VWA5B1: variants seen among roughly 807,000 people sequenced by gnomAD.
VWA5B1 encodes von Willebrand factor A domain-containing protein 5B1.
A neutral mutation model predicts 118.2 loss-of-function variants in VWA5B1; 115 were observed. The observed-to-expected ratio is 0.97, with a 90% CI of 0.84 to 1.14. The LOEUF (loss-of-function observed/expected upper bound fraction) is 1.14, where lower values mean the gene tolerates loss of function less well. VWA5B1 is among the 50% of genes most tolerant of loss of function. The pLI, the probability that VWA5B1 is intolerant of heterozygous loss-of-function variation, is 0.00. For missense variants in VWA5B1, 1,596 were observed against 1,603.8 expected (o/e 1.00, Z 0.08); for synonymous variants, 682 against 658.4 (o/e 1.04, Z -0.55).
chr1:20,309,344 G>A (rs2088770094), intron 1 of VWA5B1, among the ~76,000 whole-genome samples: 1 of 152,232 alleles, frequency 6.6e-6, no homozygotes, highest in South Asian at 2.1e-4. Flanking sequence ...GAAAAACTCA[G>A]CTCCGTGGGG....
chr1:20,301,894 C>T (rs900192371), intron 1 of VWA5B1, among the ~76,000 whole-genome samples: 4 of 152,174 alleles, frequency 2.6e-5, no homozygotes, highest in African/African-American at 4.8e-5. Flanking sequence ...GAGGCTCCAA[C>T]GCAGGAATCT....
chr1:20,313,390 C>T (rs1195671580), intron 3 of VWA5B1, among the ~76,000 whole-genome samples: 4 of 152,172 alleles, frequency 2.6e-5, no homozygotes. Context: ...AAAAATTAAC[C>T]CCCTCTGTAA....
At chr1:20,321,349 G>A (rs1180903615) in intron 7 of VWA5B1, among the ~76,000 whole-genome samples, 1 of 152,298 alleles carries the variant, frequency 6.6e-6, no homozygotes, top group East Asian at 1.9e-4. Context: ...CACTCTGGGA[G>A]GCCGAGACAG....
intron 1 of VWA5B1, among the ~76,000 whole-genome samples, chr1:20,303,980 C>T (rs1462569736): frequency 6.6e-6 from 1 of 152,182 alleles, no homozygotes; most frequent in Non-Finnish European, 1.5e-5. Context: ...TTTTGGACCT[C>T]CATCTGAACC....
chr1:20,330,487 C>A (rs2089517665), intron 10 of VWA5B1, 105 bp downstream of exon 10: 11 of 1,308,100 alleles, frequency 8.4e-6, no homozygotes, highest in Non-Finnish European at 1.2e-5. Context: ...AGGATAGGAC[C>A]CACAATTCCC....
Position 20,314,433 on chromosome 1 carries a change from T to A in VWA5B1, c.404T>A (p.Ile135Asn), listed in dbSNP as rs146970556. The stretch of plus-strand genomic sequence containing the variant: ...CTGTTCGTGGCCAACCTGGGGACCA[T>A]TGCCCCCATGGAGAATGTCACCATC... Reference protein sequence around the residue: ...RILFVANLGTIAPMENVTIFI... With the variant: ...RILFVANLGTNAPMENVTIFI... Residue 135 changes from isoleucine (I) to asparagine (N), a missense_variant, in exon 4 of 22, where the codon ATT becomes AAT. Physicochemically the swap from Ile to Asn is moderately radical, Grantham distance 149. Coordinates refer to ENST00000289815, the MANE Select transcript of VWA5B1 (RefSeq NM_001039500.3). 6.4e-7 allele frequency: 1 copy of A among 1,551,846 alleles called. No homozygotes were observed.
At chr1:20,346,682 T>A (rs931904261) in intron 17 of VWA5B1, among the ~76,000 whole-genome samples, 1 of 152,216 alleles carries the variant, frequency 6.6e-6, no homozygotes, top group African/African-American at 2.4e-5. Context: ...GTCTGATAGG[T>A]GAGAAGAGAA....
At position 20,327,908 on chromosome 1, in the gene VWA5B1, C is replaced by T; in HGVS notation, c.1162C>T (p.Leu388Phe). The change falls in exon 9 of 22, where the codon CTT becomes TTT. Residue 388 changes from leucine to phenylalanine, a missense_variant. Leu to Phe is a conservative substitution (Grantham distance 22). Transcript: ENST00000289815. Reference protein sequence around the residue: ...HRVKDAMLVALKSLMPACLFN... With the variant: ...HRVKDAMLVAFKSLMPACLFN... ...CTGCCAGGATGCCATGTTGGTGGCCCTTAAGAGCCTCATGCCAGCCTGCCT... is the reference window on the plus strand; with the variant it reads ...CTGCCAGGATGCCATGTTGGTGGCCTTTAAGAGCCTCATGCCAGCCTGCCT... 1 of 1,551,502 alleles carries T rather than the reference C, an allele frequency of 6.4e-7. No homozygotes were observed. The highest frequency in any genetic ancestry group is 8.7e-7 in the Non-Finnish European group (1 of 1,146,972).
intron 1 of VWA5B1, among the ~76,000 whole-genome samples, chr1:20,294,585 T>C (rs969197686): frequency 6.6e-6 from 1 of 152,218 alleles, no homozygotes; most frequent in African/African-American, 2.4e-5. Flanking sequence ...GTTCAAGCAA[T>C]TCACCTGCCT....
At chr1:20,311,008 T>C (rs2088832727) in intron 2 of VWA5B1, among the ~76,000 whole-genome samples, 1 of 152,240 alleles carries the variant, frequency 6.6e-6, no homozygotes, top group Non-Finnish European at 1.5e-5. Flanking sequence ...AGTCTCATTC[T>C]GTCGCCCAGG....
intron 1 of VWA5B1, among the ~76,000 whole-genome samples, chr1:20,304,368 C>T (rs749368385): frequency 3.3e-5 from 5 of 152,142 alleles, no homozygotes; most frequent in South Asian, 2.1e-4. Flanking sequence ...AAGAACCTGA[C>T]GTGTTCAGGG....
intron 1 of VWA5B1, among the ~76,000 whole-genome samples, chr1:20,297,437 T>G (rs549555652): frequency 6.6e-6 from 1 of 152,290 alleles, no homozygotes; most frequent in East Asian, 1.9e-4. Context: ...TCCACACATT[T>G]CATTGGCTGA....
intron 4 of VWA5B1, among the ~76,000 whole-genome samples, chr1:20,314,989 TACA>T (rs2088960902): frequency 6.6e-6 from 1 of 152,232 alleles, no homozygotes; most frequent in African/African-American, 2.4e-5. Context: ...AAGACCATTA[TACA>T]ACGATTAACA....
chr1:20,314,194 T>A (rs1570096981), intron 3 of VWA5B1, 128 bp from the exon 4 acceptor site: 3 of 971,456 alleles, frequency 3.1e-6, no homozygotes, highest in South Asian at 1.7e-5. Flanking sequence ...TATTCACAAG[T>A]CACACCCTCA....
In VWA5B1 at chr1:20,343,923, C is replaced by G. The variant is rs183906979; in HGVS notation, c.2626+530C>G. Among the ~76,000 whole-genome samples, 4 of 126,972 alleles carry G rather than the reference C, an allele frequency of 3.2e-5. No homozygotes were observed. In the East Asian group the frequency reaches 9.5e-4, roughly 30 times the overall value. 83.3% of individuals were successfully genotyped at this position (126,972 alleles called of 152,430 possible). A position where few individuals can be genotyped will look rare whatever the true frequency, so the allele number is the denominator to read the frequency against. Reference sequence around the variant, plus strand: ...AGTGCCTGGGCTCATTCCCTACCCCCACTCCAGGATCAGCCCTTCATCTCT... The same window carrying G: ...AGTGCCTGGGCTCATTCCCTACCCCGACTCCAGGATCAGCCCTTCATCTCT... On this transcript the variant is annotated intron_variant, in intron 16 of 21. Coordinates refer to ENST00000289815, the MANE Select transcript of VWA5B1 (RefSeq NM_001039500.3).
chr1:20,324,806 G>C (rs985704339), intron 8 of VWA5B1, among the ~76,000 whole-genome samples: 2 of 152,122 alleles, frequency 1.3e-5, no homozygotes, highest in Non-Finnish European at 2.9e-5. Flanking sequence ...TCATACACAG[G>C]ACCCAAGTTC....
chr1:20,307,375 G>A (rs542276640), intron 1 of VWA5B1, among the ~76,000 whole-genome samples: 146 of 152,312 alleles, frequency 9.6e-4, no homozygotes, highest in African/African-American at 3.4e-3. Context: ...CTCTCATGGG[G>A]ATGGCCCTGG....
chr1:20,349,371 T>TTTTATTTATTTATTTATTTATTTA (rs10667083), intron 18 of VWA5B1: 2 of 149,022 alleles, frequency 1.3e-5, no homozygotes, highest in East Asian at 4.0e-4. Context: ...AAATCCTTTA[T>TTTTATTTATTTATTTATTTATTTA]TTTATTTATT....
intron 18 of VWA5B1, 52 bp from the exon 19 acceptor site, chr1:20,350,104 G>A (rs41264539): frequency 0.056 from 85,534 of 1,518,934 alleles, 2,677 homozygotes; most frequent in Middle Eastern, 0.071. Context: ...GAGGGGATGG[G>A]AGGCGAGGAA....
Sources: gnomAD v4.1 joint callset for allele counts (sites outside exome capture counted in the v4.1 genomes callset) on GRCh38, gnomAD v4.1.1 for gene constraint, MANE v1.5 for transcripts, NCBI Gene and HGNC (gene_info 2026-07-23, HGNC 2026-07-21) for gene names.